Variants in RAD51AP1 observed in about 807,000 individuals in gnomAD.
The protein encoded by RAD51AP1 is RAD51-associated protein 1.
Under a neutral mutation model 34.3 loss-of-function variants are expected in RAD51AP1, and 14 were observed. The observed-to-expected ratio is 0.41, with a 90% CI of 0.27 to 0.64. RAD51AP1 has a LOEUF of 0.64. Among genes scored for constraint, RAD51AP1 ranks in the 30% least tolerant of loss-of-function variants. RAD51AP1 has a pLI of 0.33. For missense variants in RAD51AP1, 348 were observed against 386.9 expected (o/e 0.90, Z 0.84); for synonymous variants, 114 against 129.8 (o/e 0.88, Z 0.83).
chr12:4,551,386 T>C (rs1037875700), intron 6 of RAD51AP1, among the ~76,000 whole-genome samples: 1 of 150,994 alleles, frequency 6.6e-6, no homozygotes, highest in Non-Finnish European at 1.5e-5. Flanking sequence ...TCCCAGCTAC[T>C]TGGGAGGCTG....
At chr12:4,545,903 T>G in intron 3 of RAD51AP1, 6 of 1,539,498 alleles carry the variant, frequency 3.9e-6, no homozygotes, top group Non-Finnish European at 5.3e-6. Context: ...GATAATAATT[T>G]TAATTTAATG....
At chr12:4,540,936 C>G (rs1429424824) in intron 1 of RAD51AP1, among the ~76,000 whole-genome samples, 1 of 152,008 alleles carries the variant, frequency 6.6e-6, no homozygotes, top group East Asian at 1.9e-4. Context: ...GAAAGAACAA[C>G]CAGCTGACAA....
rs559797630 is a variant in RAD51AP1 at position 4,557,986 on chromosome 12, G to A, written c.872-871G>A. Among the ~76,000 whole-genome samples the A allele has an allele frequency of 4.0e-5, 6 of 151,630 alleles. No homozygotes were observed. In the South Asian group the frequency reaches 1.3e-3, roughly 32 times the overall value. ...TTTTTGTAAGTTGATTTTTTTTGTTGTTGTTGTTAGCACCATGTGAACCAA... is the reference window on the plus strand; with the variant it reads ...TTTTTGTAAGTTGATTTTTTTTGTTATTGTTGTTAGCACCATGTGAACCAA... On this transcript the variant is annotated intron_variant, in intron 8 of 8. Coordinates refer to ENST00000352618, the MANE Select transcript of RAD51AP1 (RefSeq NM_006479.5).
chr12:4,543,670 C>T, intron 2 of RAD51AP1, 93 bp from the exon 3 acceptor site: 1 of 757,426 alleles, frequency 1.3e-6, no homozygotes, highest in Non-Finnish European at 2.0e-6. Flanking sequence ...AAACAATTTG[C>T]CTAGCCTATA....
At chr12:4,558,735 T>C (rs1944599721) in intron 8 of RAD51AP1, 122 bp from the exon 9 acceptor site, 1 of 1,167,288 alleles carries the variant, frequency 8.6e-7, no homozygotes, top group Non-Finnish European at 1.2e-6. Context: ...AGTTTATTGC[T>C]TGATAGACAC....
chr12:4,551,559 A>AGAATTTAG (rs1944547393), intron 6 of RAD51AP1, among the ~76,000 whole-genome samples: 1 of 152,132 alleles, frequency 6.6e-6, no homozygotes, highest in Non-Finnish European at 1.5e-5. Context: ...AGACAAATCC[A>AGAATTTAG]GAATTTAGGA....
chr12:4,559,322 C>T lies in RAD51AP1; in HGVS notation c.*329C>T, dbSNP rs1182870675. The T allele has an allele frequency of 2.2e-5, 4 of 180,062 alleles. No individual in the cohort carries two copies. Among genetic ancestry groups the T allele is most frequent in the Non-Finnish European group, 3.5e-5 (3 of 86,768 alleles). The allele number at this position is 180,062 out of a possible 1,614,324, so 11.2% of individuals were successfully genotyped here. ...CTTTCTAGCTTTGTCTAGTTTATAG[C>T]ACCTTAACTTTAACTGTTCAGTTTT... On this transcript the variant is annotated 3_prime_UTR_variant, in exon 9 of 9. Coordinates refer to ENST00000352618, the MANE Select transcript of RAD51AP1 (RefSeq NM_006479.5).
At chr12:4,540,553 T>TA (rs34322898) in intron 1 of RAD51AP1, among the ~76,000 whole-genome samples, 18,009 of 125,260 alleles carry the variant, frequency 0.14, 1,211 homozygotes, top group African/African-American at 0.2. Context: ...CTCTTAAAAG[T>TA]AAAAAAAAAA....
chr12:4,547,659 G>A (rs1341092166), intron 4 of RAD51AP1, among the ~76,000 whole-genome samples: 1 of 152,088 alleles, frequency 6.6e-6, no homozygotes, highest in East Asian at 1.9e-4. Flanking sequence ...TATAACGATT[G>A]GAGAGTTCTT....
chr12:4,557,161 T>C (rs923953308), intron 8 of RAD51AP1, among the ~76,000 whole-genome samples: 11 of 152,332 alleles, frequency 7.2e-5, no homozygotes, highest in Middle Eastern at 6.8e-3. Flanking sequence ...TCAGTGAAAT[T>C]GAAACACTTT....
intron 6 of RAD51AP1, among the ~76,000 whole-genome samples, chr12:4,549,820 C>T (rs569774976): frequency 1.3e-5 from 2 of 152,320 alleles, no homozygotes; most frequent in East Asian, 3.9e-4. Context: ...ATAAGGGATA[C>T]TCAGCCTATA....
At chr12:4,549,819 A>G (rs749003674) in intron 6 of RAD51AP1, among the ~76,000 whole-genome samples, 1 of 152,222 alleles carries the variant, frequency 6.6e-6, no homozygotes, top group African/African-American at 2.4e-5. Flanking sequence ...GATAAGGGAT[A>G]CTCAGCCTAT....
chr12:4,538,970 G>A lies in RAD51AP1; in HGVS notation c.17+14G>A, dbSNP rs1265021291. ...GCGGCCTGTGAGGTGGGTAGTTCCT[G>A]ACATTCGTCGGGGGTGGGAGGAAAA... On this transcript the variant is annotated intron_variant, in intron 1 of 8. Coordinates refer to ENST00000352618, the MANE Select transcript of RAD51AP1 (RefSeq NM_006479.5). 6.2e-7 allele frequency: 1 copy of A among 1,613,596 alleles called. No individual in the cohort carries two copies. The highest frequency in any genetic ancestry group is 1.7e-5 in the Admixed American group (1 of 60,026).
In RAD51AP1 at chr12:4,545,775, A is replaced by G. The variant is rs761137470; in HGVS notation, c.210-534A>G. ...CTTGTTTCCCCACCCTCCTCCTTTAATTGCAGACTCCCTGAAGGTACTTTT... is the reference window on the plus strand; with the variant it reads ...CTTGTTTCCCCACCCTCCTCCTTTAGTTGCAGACTCCCTGAAGGTACTTTT... On this transcript the variant is annotated intron_variant, in intron 3 of 8. Coordinates refer to ENST00000352618, the MANE Select transcript of RAD51AP1 (RefSeq NM_006479.5). 2.5e-6 allele frequency: 4 copies of G among 1,612,754 alleles called. No individual in the cohort carries two copies. The African/African-American group carries it at 5.3e-5, about 22-fold the overall frequency.
At chr12:4,545,221 A>G (rs1171964226) in intron 3 of RAD51AP1, 2 of 454,624 alleles carry the variant, frequency 4.4e-6, no homozygotes, top group African/African-American at 4.0e-5. Flanking sequence ...TTTTTCAGCC[A>G]TAGAAAGAAA....
intron 8 of RAD51AP1, among the ~76,000 whole-genome samples, chr12:4,557,279 C>T (rs1944589266): frequency 1.3e-5 from 2 of 152,104 alleles, no homozygotes; most frequent in Non-Finnish European, 2.9e-5. Context: ...TGAGCCCTTC[C>T]AATTCTACTC....
chr12:4,548,620 G>A (rs143392245), intron 5 of RAD51AP1, 67 bp from the exon 6 acceptor site: 372 of 1,526,478 alleles, frequency 2.4e-4, no homozygotes, highest in Non-Finnish European at 2.9e-4. Flanking sequence ...ATAGAGTCTG[G>A]TCTGCAGTTC....
chr12:4,552,872 G>C (rs1379880588), intron 6 of RAD51AP1, 111 bp from the exon 7 acceptor site: 116 of 998,742 alleles, frequency 1.2e-4, no homozygotes, highest in Non-Finnish European at 1.5e-4. Context: ...TCTGCTACTG[G>C]AAACAGTGCA....
In RAD51AP1 at chr12:4,559,412, A is replaced by G. The variant is rs574617103; in HGVS notation, c.*419A>G. 1 of 153,418 alleles carries G rather than the reference A, an allele frequency of 6.5e-6. No individual in the cohort carries two copies. Among genetic ancestry groups the G allele is most frequent in the Non-Finnish European group, 1.5e-5 (1 of 68,932 alleles). 9.5% of individuals were successfully genotyped at this position (153,418 alleles called of 1,614,324 possible). On this transcript the variant is annotated 3_prime_UTR_variant, in exon 9 of 9. Transcript: ENST00000352618. The stretch of plus-strand genomic sequence containing the variant: ...ATTTCTGAAATCTTATAAGCTACTT[A>G]AGCTACGTTGTCAGTTTTATCGCAA...
Sources: allele counts gnomAD v4.1 joint callset (sites outside exome capture counted in the v4.1 genomes callset), GRCh38; gene constraint gnomAD v4.1.1; transcripts MANE v1.5; gene names NCBI Gene and HGNC (gene_info 2026-07-23, HGNC 2026-07-21).